The following CCDC88C variants were observed in gnomAD, a reference collection of about 807,000 sequenced individuals.
The protein encoded by CCDC88C is protein Daple.
A neutral mutation model predicts 198.8 loss-of-function variants in CCDC88C; 131 were observed. The observed-to-expected ratio is 0.66, with a 90% CI of 0.57 to 0.76. CCDC88C has a LOEUF of 0.76. Among genes scored for constraint, CCDC88C ranks in the 30% least tolerant of loss-of-function variants. The pLI, the probability that CCDC88C is intolerant of heterozygous loss-of-function variation, is 0.00. For missense variants in CCDC88C, 2,553 were observed against 2,631.6 expected, an observed-to-expected ratio of 0.97 and a Z score of 0.65; for synonymous variants, 1,166 against 1,114.7, an observed-to-expected ratio of 1.05 and a Z score of -0.92.
chr14:91,350,918 G>C (rs1348168117), intron 4 of CCDC88C, among the ~76,000 whole-genome samples: 2 of 152,170 alleles, frequency 1.3e-5, no homozygotes, highest in Non-Finnish European at 2.9e-5. Flanking sequence ...AGAAATAGAA[G>C]GATGCAGCTC....
In CCDC88C at chr14:91,340,157, G is replaced by T. The variant is rs1057184704; in HGVS notation, c.484-133C>A. ...GACAAATTTACGGTGGCCAGCAAAA[G>T]GGTGCCCTACGCAAGTGTGGCCAAA... is the stretch of plus-strand genomic sequence containing the variant. On this transcript the variant is annotated intron_variant, in intron 6 of 29. Coordinates refer to ENST00000389857, the MANE Select transcript of CCDC88C (RefSeq NM_001080414.4). 6 of 1,284,678 alleles carry T rather than the reference G, an allele frequency of 4.7e-6. No individual in the cohort carries two copies. In the South Asian group the frequency reaches 5.7e-5, roughly 12 times the overall value. 79.6% of individuals were successfully genotyped at this position (1,284,678 alleles called of 1,614,324 possible). A position where few individuals can be genotyped will look rare whatever the true frequency, so the allele number is the denominator to read the frequency against.
At chr14:91,349,115 C>T (rs139395880) in intron 4 of CCDC88C, among the ~76,000 whole-genome samples, 1 of 152,304 alleles carries the variant, frequency 6.6e-6, no homozygotes, top group East Asian at 1.9e-4. Context: ...GCCAGTAAGA[C>T]TGGCTCAGTG....
chr14:91,290,436 G>C (rs1489842749), intron 24 of CCDC88C, among the ~76,000 whole-genome samples: 1 of 152,226 alleles, frequency 6.6e-6, no homozygotes, highest in Non-Finnish European at 1.5e-5. Context: ...ACAATTCCTG[G>C]GGCTCAGGCC....
chr14:91,373,147 G>A (rs537223065), intron 3 of CCDC88C, among the ~76,000 whole-genome samples: 15 of 152,256 alleles, frequency 9.9e-5, no homozygotes, highest in African/African-American at 3.6e-4. Context: ...CCCAGCCCCT[G>A]GGCTCAGGAC....
chr14:91,339,126 G>A lies in CCDC88C; in HGVS notation c.809+152C>T, dbSNP rs1893191439. 7 of 874,224 alleles carry A rather than the reference G, an allele frequency of 8.0e-6. No homozygotes were observed. Among genetic ancestry groups the A allele is most frequent in the Admixed American group, 2.0e-5 (1 of 49,996 alleles). The allele number at this position is 874,224 out of a possible 1,614,324, so 54.2% of individuals were successfully genotyped here. On this transcript the variant is annotated intron_variant, in intron 8 of 29. Transcript: ENST00000389857. The surrounding 1 kb of genome is among the most constrained non-coding windows in gnomAD (Gnocchi z 5.8). ...CCTCAGAAGGGGAGGCAGCTAGTCC[G>A]AGGTCAAAGAGTAAGCTCAGGGCAG...
chr14:91,369,954 G>A (rs1894715538), intron 3 of CCDC88C, among the ~76,000 whole-genome samples: 1 of 152,142 alleles, frequency 6.6e-6, no homozygotes, highest in African/African-American at 2.4e-5. Context: ...CCCCTCCCAC[G>A]GAACACTTCC....
chr14:91,289,083 C>T (rs765521764), intron 25 of CCDC88C, 22 bp downstream of exon 25: 12 of 1,598,342 alleles, frequency 7.5e-6, no homozygotes, highest in East Asian at 4.5e-5. Context: ...CACCCGACCA[C>T]GGCCAGGACG....
At chr14:91,293,583 C>CTCACGTG (rs1372216875) in intron 23 of CCDC88C, among the ~76,000 whole-genome samples, 1 of 147,264 alleles carries the variant, frequency 6.8e-6, no homozygotes, top group African/African-American at 2.5e-5. Flanking sequence ...CCTTCCTGTC[C>CTCACGTG]CCTCGCCTGC....
chr14:91,376,548 C>T (rs1884428189), intron 3 of CCDC88C, among the ~76,000 whole-genome samples: 1 of 152,230 alleles, frequency 6.6e-6, no homozygotes, highest in South Asian at 2.1e-4. Context: ...CCTGGTGGGG[C>T]ACAGGGAGGC....
At chr14:91,387,459 T>C (rs1192358366) in intron 3 of CCDC88C, among the ~76,000 whole-genome samples, 1 of 152,174 alleles carries the variant, frequency 6.6e-6, no homozygotes. Context: ...ACACACGATA[T>C]AGACAAAACT....
intron 4 of CCDC88C, among the ~76,000 whole-genome samples, chr14:91,345,329 A>AT (rs1232199658): frequency 6.7e-6 from 1 of 150,274 alleles, no homozygotes; most frequent in Admixed American, 6.7e-5. Flanking sequence ...AGGAGCTGGG[A>AT]TTACAGGCGC....
At chr14:91,328,775 C>G (rs1892682893) in intron 10 of CCDC88C, among the ~76,000 whole-genome samples, 1 of 152,190 alleles carries the variant, frequency 6.6e-6, no homozygotes, top group Non-Finnish European at 1.5e-5. Flanking sequence ...GCGCCTGAGA[C>G]CTACAAACTC....
Position 91,343,664 on chromosome 14 carries a change from C to G in CCDC88C, c.341-7G>C. ...ATTTCCTCCATGCTCTTCCCTAGAT[C>G]AAGAGAGCAACACATTTAACTCAGC... On this transcript the variant is annotated splice_region_variant and splice_polypyrimidine_tract_variant and intron_variant, in intron 4 of 29. Coordinates refer to ENST00000389857, the MANE Select transcript of CCDC88C (RefSeq NM_001080414.4). 6.2e-7 allele frequency: 1 copy of G among 1,613,392 alleles called. No homozygotes were observed. Among genetic ancestry groups the G allele is most frequent in the South Asian group, 1.1e-5 (1 of 91,068 alleles).
chr14:91,332,598 G>A (rs1055425550), intron 10 of CCDC88C, among the ~76,000 whole-genome samples: 1 of 152,140 alleles, frequency 6.6e-6, no homozygotes, highest in East Asian at 1.9e-4. Context: ...CGGGTTAGAC[G>A]GGGCAGCCTG....
rs1264901176 is a variant in CCDC88C, at chr14:91,359,765, G to C, written c.271-54C>G. The C allele has an allele frequency of 2.0e-6, 3 of 1,481,342 alleles. No homozygotes were observed. In the African/African-American group the frequency reaches 4.2e-5, roughly 21 times the overall value. The allele number at this position is 1,481,342 out of a possible 1,614,324, so 91.8% of individuals were successfully genotyped here. ...ATTAAGAACCGGAAACAAAAATAAA[G>C]AGGGATTAAGTAAATTACAAGTAAT... On this transcript the variant is annotated intron_variant, in intron 3 of 29. Coordinates refer to ENST00000389857, the MANE Select transcript of CCDC88C (RefSeq NM_001080414.4).
At chr14:91,341,133 C>T (rs997227961) in intron 6 of CCDC88C, among the ~76,000 whole-genome samples, 4 of 152,202 alleles carry the variant, frequency 2.6e-5, no homozygotes, top group African/African-American at 4.8e-5. Context: ...CTTAAAAGGC[C>T]GAGTTTGGAT....
At chr14:91,359,952 G>T (rs1894231701) in intron 3 of CCDC88C, among the ~76,000 whole-genome samples, 1 of 152,036 alleles carries the variant, frequency 6.6e-6, no homozygotes, top group Non-Finnish European at 1.5e-5. Context: ...GAGATTTAAT[G>T]GGGTTATGAA....
At chr14:91,341,370 C>G (rs1449554401) in intron 6 of CCDC88C, among the ~76,000 whole-genome samples, 2 of 152,172 alleles carry the variant, frequency 1.3e-5, no homozygotes, top group African/African-American at 4.8e-5. Flanking sequence ...GCCCCCTCCT[C>G]CCCCTGAGTC....
intron 4 of CCDC88C, among the ~76,000 whole-genome samples, chr14:91,358,626 C>T (rs1292868646): frequency 6.6e-6 from 1 of 152,236 alleles, no homozygotes; most frequent in Non-Finnish European, 1.5e-5. Context: ...TAAGTTCTGA[C>T]TTTCTGTAAG....
Sources: gnomAD v4.1 joint callset for allele counts (sites outside exome capture counted in the v4.1 genomes callset) on GRCh38, gnomAD v4.1.1 for gene constraint, Gnocchi (gnomAD v3.1) non-coding constraint, MANE v1.5 for transcripts, NCBI Gene and HGNC (gene_info 2026-07-23, HGNC 2026-07-21) for gene names.